SEL1L2: variants seen among roughly 807,000 people sequenced by gnomAD.
SEL1L2 encodes protein sel-1 homolog 2.
A neutral mutation model predicts 98.8 loss-of-function variants in SEL1L2; 89 were observed. The observed-to-expected ratio is 0.90, with a 90% CI of 0.76 to 1.07. SEL1L2 has a LOEUF of 1.07. Ranked by LOEUF, SEL1L2 falls within the 50% of genes least tolerant of loss-of-function variation. The pLI is 0.00. For synonymous variants in SEL1L2, 262 were observed against 278.5 expected (o/e 0.94, Z 0.59); for missense variants, 788 against 812.0 (o/e 0.97, Z 0.36).
rs923546660 is a variant in SEL1L2, at chr20:13,910,049, A to G, written c.549+3733T>C. Among the ~76,000 whole-genome samples the G allele has an allele frequency of 3.3e-5, 5 of 152,174 alleles. No homozygotes were observed. In the East Asian group the frequency reaches 9.6e-4, roughly 29 times the overall value. ...CAGCTGAATTTTGCACACCAGGTCA[A>G]TGTCAGCCTTTTGGGCCATAAGTTT... On this transcript the variant is annotated intron_variant, in intron 5 of 19. Transcript: ENST00000284951.
At position 13,870,152 on chromosome 20, in the gene SEL1L2, CT is replaced by C; in HGVS notation, c.1155del (p.Gly386GlufsTer4). 1.9e-6 allele frequency: 3 copies of C among 1,607,572 alleles called. No homozygotes were observed. Among genetic ancestry groups the C allele is most frequent in the South Asian group, 1.1e-5 (1 of 90,144 alleles). ...HGLGLLYFHGKGVPLNYAEAL... is the reference protein window; with the variant it reads ...HGLGLLYFHGXGVPLNYAEAL... Reference sequence around the variant, plus strand: ...ATAATTTAACTTACCAGGGGAACTCCTTTTCCATGAAAGTAAAGAAGACCAA... The same window carrying C: ...ATAATTTAACTTACCAGGGGAACTCCTTTCCATGAAAGTAAAGAAGACCAA... On this transcript the variant is annotated frameshift_variant, in exon 13 of 20. Coordinates refer to ENST00000284951, the MANE Select transcript of SEL1L2 (RefSeq NM_025229.2). LOFTEE classifies it high-confidence loss of function.
intron 14 of SEL1L2, among the ~76,000 whole-genome samples, chr20:13,868,861 G>A (rs2046049826): frequency 6.6e-6 from 1 of 152,060 alleles, no homozygotes; most frequent in Non-Finnish European, 1.5e-5. Flanking sequence ...GCCTCCCAAA[G>A]TGCTAGGATT....
chr20:13,850,271 G>T lies in SEL1L2; in HGVS notation c.1867C>A (p.Pro623Thr). ...RLYDMAAQTS[P>T]DAHIPVLFAV... Reference sequence around the variant, plus strand: ...AAGAGCACAGGTATGTGGGCATCTGGACTCGTTTGAGCAGCCATGTCGTAC... The same window carrying T: ...AAGAGCACAGGTATGTGGGCATCTGTACTCGTTTGAGCAGCCATGTCGTAC... The change falls in exon 19 of 20, where the codon CCA becomes ACA. Residue 623 changes from proline (P) to threonine (T), a missense_variant. Coordinates refer to ENST00000284951, the MANE Select transcript of SEL1L2 (RefSeq NM_025229.2). 1 of 1,614,046 alleles carries T rather than the reference G, an allele frequency of 6.2e-7. No individual in the cohort carries two copies. Among genetic ancestry groups the T allele is most frequent in the Non-Finnish European group, 8.5e-7 (1 of 1,179,930 alleles).
intron 2 of SEL1L2, among the ~76,000 whole-genome samples, chr20:13,941,385 A>T (rs2049769186): frequency 6.6e-6 from 1 of 152,188 alleles, no homozygotes; most frequent in Admixed American, 6.5e-5. Flanking sequence ...TTGAATGCTA[A>T]TTCACTGCCT....
At position 13,891,158 on chromosome 20, in the gene SEL1L2, T is replaced by C. The variant is rs55977803; in HGVS notation, c.550-2646A>G. On this transcript the variant is annotated intron_variant, in intron 5 of 19. Coordinates refer to ENST00000284951, the MANE Select transcript of SEL1L2 (RefSeq NM_025229.2). Reference sequence around the variant, plus strand: ...GGAAATAGGCATCTAAATTCAAGAATATCAAAGGATTCCAAGTGAGATGAA... The same window carrying C: ...GGAAATAGGCATCTAAATTCAAGAACATCAAAGGATTCCAAGTGAGATGAA... Among the ~76,000 whole-genome samples, 205 of 152,204 alleles carry C rather than the reference T, an allele frequency of 1.3e-3. 3 individuals are homozygous for C. Among genetic ancestry groups the C allele is most frequent in the African/African-American group, 4.4e-3 (184 of 41,552 alleles).
rs567106756 is a variant in SEL1L2, at chr20:13,904,930, C to T, written c.549+8852G>A. On this transcript the variant is annotated intron_variant, in intron 5 of 19. Transcript: ENST00000284951. ...TTCACCAACAGTGGATCCTTTTGTG[C>T]GGTGCCTGGCAAACTATTTGGCCTG... Among the ~76,000 whole-genome samples, 9 of 152,248 alleles carry T rather than the reference C, an allele frequency of 5.9e-5. No individual in the cohort carries two copies. In the South Asian group the frequency reaches 6.2e-4, roughly 11 times the overall value.
chr20:13,994,866 C>T (rs1243430977), upstream of SEL1L2, among the ~76,000 whole-genome samples: 1 of 152,230 alleles, frequency 6.6e-6, no homozygotes, highest in East Asian at 1.9e-4. Context: ...TCGCAGTCTA[C>T]ATTTGTTCTT....
intron 3 of SEL1L2, among the ~76,000 whole-genome samples, chr20:13,930,577 T>G (rs1272997376): frequency 6.6e-6 from 1 of 152,228 alleles, no homozygotes; most frequent in African/African-American, 2.4e-5. Context: ...TGTCAACATT[T>G]CGATGTCATA....
chr20:13,959,019 G>A (rs2050667140), intron 1 of SEL1L2, among the ~76,000 whole-genome samples: 1 of 152,032 alleles, frequency 6.6e-6, no homozygotes, highest in Admixed American at 6.6e-5. Flanking sequence ...CCAGTTGAGA[G>A]CAGTCATTAA....
intron 5 of SEL1L2, among the ~76,000 whole-genome samples, chr20:13,888,956 C>T (rs1223791156): frequency 2.4e-4 from 33 of 137,652 alleles, no homozygotes; most frequent in Middle Eastern, 5.0e-3. Context: ...TCTTTCTTTT[C>T]TTTTCTTTTT....
At chr20:13,959,602 G>A (rs540216080) in intron 1 of SEL1L2, among the ~76,000 whole-genome samples, 3 of 152,168 alleles carry the variant, frequency 2.0e-5, no homozygotes, top group Admixed American at 6.5e-5. Flanking sequence ...ATATTCACCT[G>A]ACCTGTCGCC....
intron 5 of SEL1L2, among the ~76,000 whole-genome samples, chr20:13,906,907 G>C (rs917376247): frequency 2.0e-4 from 31 of 152,062 alleles, no homozygotes; most frequent in Admixed American, 1.9e-3. Context: ...TCAAACTCCT[G>C]ACCTCAAGTG....
At chr20:13,958,211 T>G (rs945381148) in intron 1 of SEL1L2, among the ~76,000 whole-genome samples, 1 of 152,134 alleles carries the variant, frequency 6.6e-6, no homozygotes, top group Admixed American at 6.6e-5. Context: ...GTTTATATAT[T>G]TAGCACAGTA....
At chr20:13,898,873 T>G (rs1457544878) in intron 5 of SEL1L2, among the ~76,000 whole-genome samples, 5 of 151,990 alleles carry the variant, frequency 3.3e-5, no homozygotes, top group Non-Finnish European at 5.9e-5. Flanking sequence ...CTCCCGAGTA[T>G]CTGGGATTAC....
intron 3 of SEL1L2, 56 bp from the exon 4 acceptor site, chr20:13,919,179 A>T: frequency 9.3e-7 from 1 of 1,070,954 alleles, no homozygotes; most frequent in Non-Finnish European, 1.4e-6. Context: ...TCCATATTTT[A>T]AAAATAATGT....
Position 13,901,075 on chromosome 20 carries a change from CT to C in SEL1L2, c.550-12564del, listed in dbSNP as rs1258936237. On this transcript the variant is annotated intron_variant, in intron 5 of 19. Coordinates refer to ENST00000284951, the MANE Select transcript of SEL1L2 (RefSeq NM_025229.2). ...TCTTTTTCTTTTTCTTTCTTTCTTTCTTTTTTTTTTTTTGAGACGGAGTCTT... is the reference window on the plus strand; with the variant it reads ...TCTTTTTCTTTTTCTTTCTTTCTTTCTTTTTTTTTTTTGAGACGGAGTCTT... 2.8e-4 allele frequency among the ~76,000 whole-genome samples: 36 copies of C among 126,362 alleles called. 1 individual carries two copies. The highest frequency in any genetic ancestry group is 5.0e-4 in the African/African-American group (17 of 34,028). The allele number at this position is 126,362 out of a possible 152,430, so 82.9% of individuals were successfully genotyped here.
At chr20:13,979,795 C>G (rs1444219578) in intron 1 of SEL1L2, among the ~76,000 whole-genome samples, 1 of 152,078 alleles carries the variant, frequency 6.6e-6, no homozygotes, top group Non-Finnish European at 1.5e-5. Context: ...TAGTATTAGC[C>G]TGGGTAGTGA....
At chr20:13,948,438 C>T (rs961447134) in intron 2 of SEL1L2, among the ~76,000 whole-genome samples, 1 of 151,972 alleles carries the variant, frequency 6.6e-6, no homozygotes, top group Non-Finnish European at 1.5e-5. Context: ...GAATAGAAAG[C>T]CCAGAAATAA....
intron 12 of SEL1L2, among the ~76,000 whole-genome samples, chr20:13,874,735 G>A (rs982889595): frequency 6.6e-6 from 1 of 152,170 alleles, no homozygotes; most frequent in Non-Finnish European, 1.5e-5. Flanking sequence ...CACAATAGCA[G>A]CAGCTCTGAG....
Sources: allele counts gnomAD v4.1 joint callset (sites outside exome capture counted in the v4.1 genomes callset), GRCh38; gene constraint gnomAD v4.1.1; transcripts MANE v1.5; gene names NCBI Gene and HGNC (gene_info 2026-07-23, HGNC 2026-07-21).